The following TUBGCP2 variants were observed in gnomAD, a reference collection of about 807,000 sequenced individuals.
TUBGCP2 encodes gamma-tubulin complex component 2.
Under a neutral mutation model 92.2 loss-of-function variants are expected in TUBGCP2, and 55 were observed. That is an observed-to-expected ratio of 0.60 (90% CI 0.48 to 0.75). TUBGCP2 has a LOEUF of 0.75. TUBGCP2 is among the 30% of genes least tolerant of loss of function. The pLI is 0.00. For missense variants in TUBGCP2, 1,093 were observed against 1,188.9 expected (o/e 0.92, Z 1.19); for synonymous variants, 533 against 505.2 (o/e 1.06, Z -0.74).
At chr10:133,287,996 A>G in intron 11 of TUBGCP2, 133 bp downstream of exon 11, 4 of 1,244,864 alleles carry the variant, frequency 3.2e-6, no homozygotes, top group Non-Finnish European at 1.1e-6. Flanking sequence ...CCGGTAGCCA[A>G]GTGAAGGAAA....
At chr10:133,300,930 C>T (rs780348775) in intron 2 of TUBGCP2, among the ~76,000 whole-genome samples, 3 of 150,858 alleles carry the variant, frequency 2.0e-5, no homozygotes, top group Non-Finnish European at 2.9e-5. Flanking sequence ...GTAGTTTATG[C>T]GTTCATTGTA....
rs549305914 is a variant in TUBGCP2, at chr10:133,283,187, G to C, written c.2180C>G (p.Thr727Arg). 1 of 1,614,238 alleles carries C rather than the reference G, an allele frequency of 6.2e-7. No homozygotes were observed. The highest frequency in any genetic ancestry group is 1.3e-5 in the African/African-American group (1 of 75,072). Reference sequence around the variant, plus strand: ...CTTCAGGCAGGTGTCCAGGAAGCCTGTGTGGTGGCCAAGGACGTCGTCAAT... The same window carrying C: ...CTTCAGGCAGGTGTCCAGGAAGCCTCTGTGGTGGCCAAGGACGTCGTCAAT... ...SNIDDVLGHH[T>R]GFLDTCLKDC... The change falls in exon 15 of 18, where the codon ACA becomes AGA. Residue 727 changes from threonine to arginine, a missense_variant. Coordinates refer to ENST00000252936, the MANE Select transcript of TUBGCP2 (RefSeq NM_006659.4).
chr10:133,308,094 G>C (rs943147018), intron 1 of TUBGCP2, among the ~76,000 whole-genome samples: 1 of 152,142 alleles, frequency 6.6e-6, no homozygotes, highest in Non-Finnish European at 1.5e-5. Context: ...CTCCAGCCTG[G>C]GTGACAGACG....
chr10:133,281,678 T>C (rs1226616435), intron 16 of TUBGCP2, among the ~76,000 whole-genome samples: 3 of 151,990 alleles, frequency 2.0e-5, no homozygotes, highest in Non-Finnish European at 4.4e-5. Flanking sequence ...TCCTTTGGGG[T>C]GAGATGAACG....
intron 2 of TUBGCP2, chr10:133,302,496 C>T: frequency 2.5e-6 from 1 of 402,750 alleles, no homozygotes; most frequent in Non-Finnish European, 4.6e-6. Flanking sequence ...GCACCCTGAC[C>T]CAGGGGCGGT....
At chr10:133,293,435 C>T in intron 6 of TUBGCP2, 127 bp downstream of exon 6, 1 of 1,251,930 alleles carries the variant, frequency 8.0e-7, no homozygotes. Context: ...CTGAGTTGGG[C>T]ACGGAGTTGT....
intron 1 of TUBGCP2, among the ~76,000 whole-genome samples, chr10:133,307,489 G>GC (rs1177645163): frequency 6.6e-6 from 1 of 152,220 alleles, no homozygotes; most frequent in East Asian, 1.9e-4. Flanking sequence ...AATGTCAAGA[G>GC]CCCAAAGGCT....
At chr10:133,309,758 A>C (rs1200885944), upstream of TUBGCP2, 1 of 1,611,934 alleles carries the variant, frequency 6.2e-7, no homozygotes, top group Non-Finnish European at 8.5e-7. Flanking sequence ...GGGCTCCTGA[A>C]GCACGTCTCC....
chr10:133,279,809 C>A lies in TUBGCP2; in HGVS notation c.2666G>T (p.Gly889Val). The change falls in exon 18 of 18, where the codon GGG becomes GTG. Residue 889 changes from glycine (G) to valine (V), a missense_variant. Coordinates refer to ENST00000252936, the MANE Select transcript of TUBGCP2 (RefSeq NM_006659.4). ...GACCCTGGGTGCAGGAGCCGGGGGC[C>A]CCCGCAGGACAGGCACTTGGGGGGT... ...KATPQVPVLR[G>V]PPAPAPRVAV... 6.3e-7 allele frequency: 1 copy of A among 1,579,192 alleles called. No individual in the cohort carries two copies. The highest frequency in any genetic ancestry group is 8.6e-7 in the Non-Finnish European group (1 of 1,163,388).
At chr10:133,309,577 G>A (rs886218649), upstream of TUBGCP2, 11 of 1,335,230 alleles carry the variant, frequency 8.2e-6, no homozygotes, top group East Asian at 5.0e-5. Flanking sequence ...CCACCGAGGC[G>A]CTGTGCCTGT....
At position 133,281,758 on chromosome 10, in the gene TUBGCP2, C is replaced by T. The variant is rs1030010561; in HGVS notation, c.2410-322G>A. Among the ~76,000 whole-genome samples, 5 of 152,268 alleles carry T rather than the reference C, an allele frequency of 3.3e-5. No individual in the cohort carries two copies. In the East Asian group the frequency reaches 7.7e-4, roughly 23 times the overall value. ...CAGTGTCCCTCACCTCCGGCCCCCA[C>T]GCTTCCAAACCCAACTCCTCTCTGC... On this transcript the variant is annotated intron_variant, in intron 16 of 17. Coordinates refer to ENST00000252936, the MANE Select transcript of TUBGCP2 (RefSeq NM_006659.4).
At position 133,293,630 on chromosome 10, in the gene TUBGCP2, C is replaced by T; in HGVS notation, c.756G>A (p.Leu252=). The T allele has an allele frequency of 6.4e-6, 10 of 1,573,790 alleles. No individual in the cohort carries two copies. The highest frequency in any genetic ancestry group is 8.6e-6 in the Non-Finnish European group (10 of 1,159,938). ...GCACCAGCTCCCTGATGGACAGGTC[C>T]AGGTTGGGGTCCACGAGGAAGGTCC... ...QSRTFLVDPN[L]DLSIRELVHR... is the part of the protein sequence containing the mutation. The change falls in exon 6 of 18, where the codon CTG becomes CTA. Residue 252 remains leucine, a synonymous_variant. Transcript: ENST00000252936.
In TUBGCP2 at chr10:133,285,406, T is replaced by C. The variant is rs1847108788; in HGVS notation, c.1895+50A>G. 3.7e-6 allele frequency: 6 copies of C among 1,611,616 alleles called. No homozygotes were observed. The highest frequency in any genetic ancestry group is 5.1e-6 in the Non-Finnish European group (6 of 1,179,390). Reference sequence around the variant, plus strand: ...CACCGCGTGGCACAGTTCTCGCTTCTGCCAAACCTGAGTGAAGATCTGGCA... The same window carrying C: ...CACCGCGTGGCACAGTTCTCGCTTCCGCCAAACCTGAGTGAAGATCTGGCA... On this transcript the variant is annotated intron_variant, in intron 12 of 17. Coordinates refer to ENST00000252936, the MANE Select transcript of TUBGCP2 (RefSeq NM_006659.4). The surrounding 1 kb of genome is among the most constrained non-coding windows in gnomAD (Gnocchi z 6.8).
At chr10:133,309,345 T>G (rs1377909641), upstream of TUBGCP2, 21 of 1,588,406 alleles carry the variant, frequency 1.3e-5, no homozygotes, top group Non-Finnish European at 1.7e-5. Flanking sequence ...GCGGTGGGCG[T>G]GCCGCGAGTC....
At chr10:133,302,575 G>A (rs949502865) in intron 2 of TUBGCP2, 8 of 573,618 alleles carry the variant, frequency 1.4e-5, no homozygotes, top group Admixed American at 3.1e-5. Flanking sequence ...GGTTCACCCT[G>A]CACCATCCTG....
At chr10:133,309,287 G>A, upstream of TUBGCP2, 5 of 1,435,820 alleles carry the variant, frequency 3.5e-6, no homozygotes, top group Non-Finnish European at 4.7e-6. Context: ...TGTGGGGCGG[G>A]ACCGGAGCGC....
At chr10:133,311,301 G>C (rs1263094696), upstream of TUBGCP2, among the ~76,000 whole-genome samples, 1 of 152,128 alleles carries the variant, frequency 6.6e-6, no homozygotes, top group Non-Finnish European at 1.5e-5. Context: ...TAAAGTAATT[G>C]TCTCCTTTCC....
intron 1 of TUBGCP2, among the ~76,000 whole-genome samples, chr10:133,304,116 C>G (rs964118539): frequency 6.6e-6 from 1 of 152,090 alleles, no homozygotes; most frequent in Non-Finnish European, 1.5e-5. Flanking sequence ...GTGAGTCACT[C>G]GAGGCCAGGA....
chr10:133,294,341 G>A (rs1158576735), intron 5 of TUBGCP2, among the ~76,000 whole-genome samples: 1 of 152,222 alleles, frequency 6.6e-6, no homozygotes, highest in African/African-American at 2.4e-5. Flanking sequence ...TGGGGGGCCG[G>A]GAGGAGCACC....
Sources: gnomAD v4.1 joint callset for allele counts (sites outside exome capture counted in the v4.1 genomes callset) on GRCh38, gnomAD v4.1.1 for gene constraint, Gnocchi (gnomAD v3.1) non-coding constraint, MANE v1.5 for transcripts, NCBI Gene and HGNC (gene_info 2026-07-23, HGNC 2026-07-21) for gene names.